Variants in GLIS3 observed in about 807,000 individuals in gnomAD.
GLIS3 encodes the protein zinc finger protein GLIS3.
In GLIS3, 53 loss-of-function variants were observed where a neutral mutation model predicts 78.6. That is an observed-to-expected ratio of 0.67 (90% CI 0.54 to 0.85). GLIS3 has a LOEUF of 0.85. GLIS3 is among the 40% of genes least tolerant of loss of function. The probability of loss-of-function intolerance (pLI) is 0.00; values close to 1 mark genes in which losing one functional copy is unlikely to be tolerated. For missense variants in GLIS3, 1,703 were observed against 1,231.1 expected, an observed-to-expected ratio of 1.38 and a Z score of -5.74; for synonymous variants, 684 against 509.9, an observed-to-expected ratio of 1.34 and a Z score of -4.60.
the GLIS3 span, among the ~76,000 whole-genome samples, chr9:4,439,972 C>A: frequency 8.8e-4 from 134 of 152,304 alleles, 1 homozygote; most frequent in South Asian, 2.1e-3. Flanking sequence ...CATGAGCCAC[C>A]GTGCCCAGCC....
At chr9:4,399,991 G>A in the GLIS3 span, among the ~76,000 whole-genome samples, 6 of 152,302 alleles carry the variant, frequency 3.9e-5, no homozygotes, top group South Asian at 4.2e-4. Flanking sequence ...GTGGGATGGC[G>A]AGTGAGGAGA....
chr9:4,325,890 T>C lies in GLIS3; in HGVS notation n.265-15362A>G, dbSNP rs137957535. 1.3e-3 allele frequency among the ~76,000 whole-genome samples: 205 copies of C among 152,314 alleles called. 2 individuals carry two copies. Among genetic ancestry groups the C allele is most frequent in the African/African-American group, 3.8e-3 (158 of 41,556 alleles). Reference sequence around the variant, plus strand: ...GCAGCCATGAAAAGGAATGAGATCATGTCCTTTGCTGGGACATGGATCGAG... The same window carrying C: ...GCAGCCATGAAAAGGAATGAGATCACGTCCTTTGCTGGGACATGGATCGAG... On this transcript the variant is annotated intron_variant and non_coding_transcript_variant, in intron 2 of 4. Coordinates refer to the GLIS3 transcript ENST00000471664.
At chr9:4,352,764 G>A (rs957421621), upstream of GLIS3, among the ~76,000 whole-genome samples, 4 of 152,336 alleles carry the variant, frequency 2.6e-5, no homozygotes, top group African/African-American at 9.6e-5. Flanking sequence ...ATACTTGGAT[G>A]GAGAGATCAA....
chr9:4,431,679 T>C, the GLIS3 span, among the ~76,000 whole-genome samples: 1 of 152,064 alleles, frequency 6.6e-6, no homozygotes, highest in Non-Finnish European at 1.5e-5. Context: ...ATCCCATCTC[T>C]ACTAAAAATA....
intron 4 of GLIS3, among the ~76,000 whole-genome samples, chr9:4,024,822 T>C (rs373685297): frequency 1.3e-5 from 2 of 152,200 alleles, no homozygotes; most frequent in African/African-American, 4.8e-5. Context: ...ATCACAGATA[T>C]GACCAATTTA....
chr9:3,845,375 C>A (rs1818966638), intron 9 of GLIS3, among the ~76,000 whole-genome samples: 1 of 152,040 alleles, frequency 6.6e-6, no homozygotes, highest in African/African-American at 2.4e-5. Flanking sequence ...TATACATAGA[C>A]ACAGTTATGT....
At chr9:3,985,400 A>G (rs1819657217) in intron 4 of GLIS3, among the ~76,000 whole-genome samples, 1 of 152,204 alleles carries the variant, frequency 6.6e-6, no homozygotes, top group Non-Finnish European at 1.5e-5. Flanking sequence ...TGCCTGCCTC[A>G]GCCTCCCAAG....
At chr9:4,414,884 C>T in the GLIS3 span, among the ~76,000 whole-genome samples, 3 of 151,932 alleles carry the variant, frequency 2.0e-5, no homozygotes, top group African/African-American at 4.8e-5. Flanking sequence ...TAGCTAAAAT[C>T]CTCCTTACTC....
chr9:4,358,581 T>C, the GLIS3 span, among the ~76,000 whole-genome samples: 2 of 151,566 alleles, frequency 1.3e-5, no homozygotes, highest in South Asian at 4.2e-4. Context: ...GAAGAGAAAA[T>C]ATTGGCCTTC....
intron 4 of GLIS3, among the ~76,000 whole-genome samples, chr9:3,991,917 C>T (rs753724548): frequency 1.2e-4 from 18 of 152,126 alleles, no homozygotes; most frequent in Admixed American, 3.3e-4. Flanking sequence ...GTCTTGATCT[C>T]CTGACTTCGT....
intron 1 of GLIS3, among the ~76,000 whole-genome samples, chr9:4,293,132 G>C (rs1423885446): frequency 6.6e-6 from 1 of 152,116 alleles, no homozygotes; most frequent in Non-Finnish European, 1.5e-5. Context: ...CAAATGAAAA[G>C]AGCATTCATT....
At chr9:4,102,655 A>G (rs1418238842) in intron 4 of GLIS3, among the ~76,000 whole-genome samples, 2 of 152,298 alleles carry the variant, frequency 1.3e-5, no homozygotes, top group South Asian at 2.1e-4. Context: ...TGCTGAGCTT[A>G]AAAAGCACTG....
intron 2 of GLIS3, among the ~76,000 whole-genome samples, chr9:4,323,205 T>C (rs992206627): frequency 6.6e-6 from 1 of 152,216 alleles, no homozygotes; most frequent in African/African-American, 2.4e-5. Context: ...CTCAGGTTTG[T>C]CAAAGATCAG....
At chr9:4,292,760 T>G (rs113577986) in intron 1 of GLIS3, among the ~76,000 whole-genome samples, 120 of 152,300 alleles carry the variant, frequency 7.9e-4, no homozygotes, top group African/African-American at 2.8e-3. Context: ...GATAGGTAAC[T>G]TCCCTGGAAT....
At chr9:4,274,633 T>C (rs981637298) in intron 2 of GLIS3, among the ~76,000 whole-genome samples, 10 of 152,088 alleles carry the variant, frequency 6.6e-5, no homozygotes, top group African/African-American at 2.4e-4. Context: ...GGGACTTCAC[T>C]AGCAAAAAAC....
intron 1 of GLIS3, among the ~76,000 whole-genome samples, chr9:4,293,830 C>G (rs1012164341): frequency 3.3e-5 from 5 of 152,340 alleles, no homozygotes; most frequent in Middle Eastern, 3.4e-3. Flanking sequence ...CTTGCTGCTC[C>G]TGAAGGAATG....
At chr9:4,457,627 C>A in the GLIS3 span, among the ~76,000 whole-genome samples, 1 of 151,826 alleles carries the variant, frequency 6.6e-6, no homozygotes, top group African/African-American at 2.4e-5. Context: ...GCGGGTGGAT[C>A]ATGAGGTCAG....
intron 4 of GLIS3, among the ~76,000 whole-genome samples, chr9:4,024,568 T>C (rs897277515): frequency 1.3e-5 from 2 of 152,126 alleles, no homozygotes; most frequent in African/African-American, 4.8e-5. Flanking sequence ...TTTTTCACAA[T>C]GATTTACTGG....
chr9:3,992,760 A>T (rs1820424945), intron 4 of GLIS3, among the ~76,000 whole-genome samples: 2 of 152,212 alleles, frequency 1.3e-5, no homozygotes, highest in African/African-American at 4.8e-5. Flanking sequence ...GTACTTTTCC[A>T]GTTTTAATTT....
Sources: gnomAD v4.1 joint callset for allele counts (sites outside exome capture counted in the v4.1 genomes callset) on GRCh38, gnomAD v4.1.1 for gene constraint, MANE v1.5 for transcripts, NCBI Gene and HGNC (gene_info 2026-07-23, HGNC 2026-07-21) for gene names.